The following DAB1 variants were observed in gnomAD, a reference collection of about 807,000 sequenced individuals.
DAB1 encodes the protein disabled homolog 1.
A neutral mutation model predicts 64.6 loss-of-function variants in DAB1; 15 were observed. The ratio of observed to expected loss-of-function variants is 0.23; its 90% CI spans 0.16 to 0.36. DAB1 has a LOEUF of 0.36. DAB1 is among the 10% of genes least tolerant of loss of function. The pLI, the probability that DAB1 is intolerant of heterozygous loss-of-function variation, is 1.00. For synonymous variants in DAB1, 235 were observed against 251.9 expected, an observed-to-expected ratio of 0.93 and a Z score of 0.64; for missense variants, 596 against 706.7, an observed-to-expected ratio of 0.84 and a Z score of 1.78.
intron 7 of DAB1, among the ~76,000 whole-genome samples, chr1:57,508,027 T>G (rs538991985): frequency 1.3e-5 from 2 of 152,206 alleles, no homozygotes; most frequent in Non-Finnish European, 2.9e-5. Flanking sequence ...CCCATGACTA[T>G]GTGTTTTTAA....
At chr1:57,117,111 AT>A (rs1656207320) in intron 4 of DAB1, among the ~76,000 whole-genome samples, 1 of 152,136 alleles carries the variant, frequency 6.6e-6, no homozygotes, top group Non-Finnish European at 1.5e-5. Context: ...TCTCTCTCCA[AT>A]TAAGATACAG....
chr1:58,441,813 C>G (rs1344945185), intron 3 of DAB1, among the ~76,000 whole-genome samples: 1 of 152,194 alleles, frequency 6.6e-6, no homozygotes, highest in Non-Finnish European at 1.5e-5. Flanking sequence ...ACGAAATCCT[C>G]CTCACTGGGA....
intron 7 of DAB1, among the ~76,000 whole-genome samples, chr1:57,468,015 C>G (rs997348770): frequency 2.6e-5 from 4 of 152,220 alleles, no homozygotes; most frequent in Admixed American, 2.0e-4. Context: ...ACTCCTGGGG[C>G]TGCCAGTCCC....
chr1:57,238,722 T>G (rs1668270527), intron 2 of DAB1, among the ~76,000 whole-genome samples: 1 of 152,050 alleles, frequency 6.6e-6, no homozygotes, highest in African/African-American at 2.4e-5. Context: ...GGAAGAAATA[T>G]AAGTGAACAA....
At chr1:57,262,470 G>A (rs1670254707) in intron 2 of DAB1, among the ~76,000 whole-genome samples, 1 of 152,186 alleles carries the variant, frequency 6.6e-6, no homozygotes, top group Non-Finnish European at 1.5e-5. Flanking sequence ...AGCCACCCAT[G>A]AAGATACAGA....
chr1:57,321,654 A>T (rs1675726250), intron 1 of DAB1, among the ~76,000 whole-genome samples: 5 of 152,166 alleles, frequency 3.3e-5, no homozygotes, highest in Admixed American at 3.3e-4. Context: ...TGAGTCATAA[A>T]ACCCAGGGTT....
At chr1:57,091,928 TC>T (rs1653717926) in intron 4 of DAB1, among the ~76,000 whole-genome samples, 1 of 152,192 alleles carries the variant, frequency 6.6e-6, no homozygotes, top group African/African-American at 2.4e-5. Flanking sequence ...CTGGCCCAAC[TC>T]CATCCAGTTA....
chr1:58,433,592 A>AGG (rs1266210842), intron 3 of DAB1, among the ~76,000 whole-genome samples: 6 of 100,708 alleles, frequency 6.0e-5, no homozygotes, highest in Non-Finnish European at 7.6e-5. Context: ...AGAGAGAGAG[A>AGG]GAGAGTGTGT....
chr1:57,002,535 A>G (rs1220889227), intron 14 of DAB1, among the ~76,000 whole-genome samples: 1 of 152,222 alleles, frequency 6.6e-6, no homozygotes, highest in Non-Finnish European at 1.5e-5. Flanking sequence ...CTGGAAGGCA[A>G]GAAGAACAGA....
chr1:57,268,728 ATTT>A (rs1670768551), intron 2 of DAB1, among the ~76,000 whole-genome samples: 1 of 152,162 alleles, frequency 6.6e-6, no homozygotes. Flanking sequence ...TAAAATCCCA[ATTT>A]TATGAGTGAA....
chr1:58,216,046 T>C (rs1658831385), intron 4 of DAB1, among the ~76,000 whole-genome samples: 1 of 152,172 alleles, frequency 6.6e-6, no homozygotes, highest in Admixed American at 6.6e-5. Flanking sequence ...TTATTTTTAT[T>C]ATACTTTAAG....
At chr1:58,244,042 G>A (rs1362288766) in intron 4 of DAB1, among the ~76,000 whole-genome samples, 2 of 152,108 alleles carry the variant, frequency 1.3e-5, no homozygotes, top group East Asian at 3.8e-4. Flanking sequence ...AAGAAAATGA[G>A]AACAGATGTT....
intron 7 of DAB1, among the ~76,000 whole-genome samples, chr1:57,599,178 T>G (rs571437456): frequency 4.2e-5 from 6 of 144,260 alleles, no homozygotes; most frequent in South Asian, 2.3e-4. Context: ...GATTTGAGCT[T>G]CTTCTTTTTT....
intron 1 of DAB1, among the ~76,000 whole-genome samples, chr1:57,357,000 C>T (rs573233975): frequency 1.3e-5 from 2 of 151,980 alleles, no homozygotes; most frequent in South Asian, 4.1e-4. Flanking sequence ...ACAATAATGA[C>T]CCTATCCTAT....
chr1:58,123,298 C>T (rs914904326), intron 5 of DAB1, among the ~76,000 whole-genome samples: 4 of 152,076 alleles, frequency 2.6e-5, no homozygotes, highest in East Asian at 1.9e-4. Context: ...GATAGGGTAC[C>T]GAAGCCATAT....
intron 5 of DAB1, among the ~76,000 whole-genome samples, chr1:58,139,518 A>G (rs1267747036): frequency 6.6e-6 from 1 of 152,118 alleles, no homozygotes; most frequent in East Asian, 1.9e-4. Context: ...TCTTGTGAGA[A>G]CTCACTATTA....
At position 58,412,789 on chromosome 1, in the gene DAB1, G is replaced by A. The variant is rs547534624; in HGVS notation, n.258-69386C>T. On this transcript the variant is annotated intron_variant and non_coding_transcript_variant, in intron 3 of 20. Coordinates refer to the DAB1 transcript ENST00000485760. The stretch of plus-strand genomic sequence containing the variant: ...GGAGGATTCAAACCCCAGTTCTAAT[G>A]TTTCTTAATGAGCATCCTTGGAAAA... 3.9e-5 allele frequency among the ~76,000 whole-genome samples: 6 copies of A among 152,328 alleles called. No homozygotes were observed. In the East Asian group the frequency reaches 1.2e-3, roughly 29 times the overall value.
At chr1:57,566,570 G>A (rs935165345) in intron 7 of DAB1, among the ~76,000 whole-genome samples, 4 of 151,774 alleles carry the variant, frequency 2.6e-5, no homozygotes, top group Admixed American at 1.3e-4. Flanking sequence ...TCAAATAGAC[G>A]CAATAAAAAA....
intron 5 of DAB1, among the ~76,000 whole-genome samples, chr1:57,926,541 A>G (rs1466843773): frequency 6.6e-6 from 1 of 152,198 alleles, no homozygotes; most frequent in East Asian, 1.9e-4. Flanking sequence ...CTGTGACATT[A>G]GGCAAACTTC....
Sources: gnomAD v4.1 joint callset for allele counts (sites outside exome capture counted in the v4.1 genomes callset) on GRCh38, gnomAD v4.1.1 for gene constraint, MANE v1.5 for transcripts, NCBI Gene and HGNC (gene_info 2026-07-23, HGNC 2026-07-21) for gene names.